MKLN1: variants seen among roughly 807,000 people sequenced by gnomAD.
MKLN1 encodes muskelin 1.
Under a neutral mutation model 99.0 loss-of-function variants are expected in MKLN1, and 18 were observed. The ratio of observed to expected loss-of-function variants is 0.18; its 90% CI spans 0.13 to 0.27. The LOEUF (loss-of-function observed/expected upper bound fraction) is 0.27. MKLN1 is among the 10% of genes least tolerant of loss of function. MKLN1 has a pLI of 1.00. For missense variants in MKLN1, 621 were observed against 875.9 expected (o/e 0.71, Z 3.67); for synonymous variants, 288 against 293.2 (o/e 0.98, Z 0.18).
Position 131,464,311 on chromosome 7 carries a change from A to G in MKLN1, c.1691A>G (p.Asn564Ser). 1 of 1,611,664 alleles carries G rather than the reference A, an allele frequency of 6.2e-7. No individual in the cohort carries two copies. The highest frequency in any genetic ancestry group is 8.5e-7 in the Non-Finnish European group (1 of 1,177,984). Residue 564 changes from asparagine to serine, a missense_variant, in exon 14 of 18, where the codon AAT becomes AGT. Physicochemically the swap from Asn to Ser is conservative, Grantham distance 46. Around this residue, in one of 8 missense-constraint regions of MKLN1, gnomAD observed 30 missense variants for 29.3 expected, o/e 1.02. Coordinates refer to ENST00000352689, the MANE Select transcript of MKLN1 (RefSeq NM_013255.5). ...TCTTGCAGGTCTTGTGTCTATAAGA[A>G]TGATCAAGCTGCAAAGGATAATCCA... ...VRNSWSCVYK[N>S]DQAAKDNPTK...
chr7:131,223,473 G>A (rs929050806), intron 3 of MKLN1, among the ~76,000 whole-genome samples: 1 of 152,160 alleles, frequency 6.6e-6, no homozygotes, highest in African/African-American at 2.4e-5. Context: ...CAGGAAGTTA[G>A]GATGAGCTTG....
At chr7:131,346,038 A>G (rs1289321066) in intron 1 of MKLN1, among the ~76,000 whole-genome samples, 1 of 152,226 alleles carries the variant, frequency 6.6e-6, no homozygotes, top group East Asian at 1.9e-4. Flanking sequence ...GTGAAAAATG[A>G]AAGACCTTCC....
chr7:131,282,600 G>A (rs1315848578), intron 3 of MKLN1, among the ~76,000 whole-genome samples: 1 of 152,042 alleles, frequency 6.6e-6, no homozygotes, highest in Non-Finnish European at 1.5e-5. Flanking sequence ...GATCTGAGCT[G>A]GGTTCGAAGG....
At chr7:131,148,230 C>T (rs12533615) in intron 2 of MKLN1, among the ~76,000 whole-genome samples, 68,863 of 151,836 alleles carry the variant, frequency 0.45, 17,067 homozygotes, top group Non-Finnish European at 0.57. Context: ...GCCTGTTCTC[C>T]AGGCCAGCAT....
At chr7:131,257,257 G>A (rs1387051218) in intron 3 of MKLN1, among the ~76,000 whole-genome samples, 1 of 152,108 alleles carries the variant, frequency 6.6e-6, no homozygotes, top group Non-Finnish European at 1.5e-5. Context: ...AAGATTTGAA[G>A]TTATATAAAG....
chr7:131,467,410 G>T (rs1008795789), intron 15 of MKLN1, among the ~76,000 whole-genome samples: 4 of 152,190 alleles, frequency 2.6e-5, no homozygotes, highest in Non-Finnish European at 4.4e-5. Context: ...GTTATTGTTT[G>T]TACAGGTGAG....
chr7:131,156,533 G>A (rs1795968310), intron 2 of MKLN1, among the ~76,000 whole-genome samples: 1 of 151,656 alleles, frequency 6.6e-6, no homozygotes, highest in Admixed American at 6.6e-5. Flanking sequence ...CTTTTCCTGG[G>A]CTAGCGATGT....
intron 2 of MKLN1, among the ~76,000 whole-genome samples, chr7:131,187,705 G>A (rs952812306): frequency 6.6e-6 from 1 of 152,116 alleles, no homozygotes; most frequent in Non-Finnish European, 1.5e-5. Flanking sequence ...GAGATGGAAG[G>A]ATCACTTGAG....
intron 3 of MKLN1, among the ~76,000 whole-genome samples, chr7:131,213,472 T>C (rs61324480): frequency 0.024 from 3,675 of 152,334 alleles, 138 homozygotes; most frequent in African/African-American, 0.083. Flanking sequence ...GTGAGGTTTT[T>C]CTAGGCCAGA....
chr7:131,287,661 G>A (rs1798152927), intron 3 of MKLN1, among the ~76,000 whole-genome samples: 2 of 152,090 alleles, frequency 1.3e-5, no homozygotes, highest in African/African-American at 4.8e-5. Flanking sequence ...TTGTTGGCGG[G>A]GGAGGGGGAG....
chr7:131,356,639 C>T (rs929795115), intron 1 of MKLN1, among the ~76,000 whole-genome samples: 2 of 152,094 alleles, frequency 1.3e-5, no homozygotes, highest in East Asian at 3.9e-4. Context: ...GGCAGGATTT[C>T]GCCTCTGTCG....
chr7:131,381,077 C>T (rs1267437994), intron 2 of MKLN1, among the ~76,000 whole-genome samples: 2 of 152,134 alleles, frequency 1.3e-5, no homozygotes, highest in Non-Finnish European at 2.9e-5. Flanking sequence ...GATTCATTAA[C>T]ATTGAATTCA....
At chr7:131,210,007 A>G (rs1295079270) in intron 3 of MKLN1, among the ~76,000 whole-genome samples, 1 of 152,240 alleles carries the variant, frequency 6.6e-6, no homozygotes, top group Admixed American at 6.5e-5. Flanking sequence ...ACCGGAAATC[A>G]TCTATTGCCA....
chr7:131,209,142 A>G (rs979980871), intron 3 of MKLN1, among the ~76,000 whole-genome samples: 1 of 152,232 alleles, frequency 6.6e-6, no homozygotes, highest in Non-Finnish European at 1.5e-5. Context: ...GAGAGGGCCT[A>G]GGTGGCTGGA....
intron 4 of MKLN1, among the ~76,000 whole-genome samples, chr7:131,395,476 T>C (rs965338948): frequency 1.3e-5 from 2 of 149,590 alleles, no homozygotes; most frequent in South Asian, 2.1e-4. Context: ...TTTTATTTTA[T>C]TTTATTTTAT....
At chr7:131,188,580 A>G (rs1190225100) in intron 2 of MKLN1, among the ~76,000 whole-genome samples, 1 of 152,184 alleles carries the variant, frequency 6.6e-6, no homozygotes, top group Non-Finnish European at 1.5e-5. Context: ...CGAAGCACAC[A>G]CTTGAGGCTT....
intron 3 of MKLN1, among the ~76,000 whole-genome samples, chr7:131,234,136 C>G (rs895919474): frequency 6.6e-6 from 1 of 151,980 alleles, no homozygotes; most frequent in African/African-American, 2.4e-5. Context: ...CCTGCCACCA[C>G]GCCCGGCTAA....
chr7:131,193,764 C>T (rs137926261), intron 2 of MKLN1, among the ~76,000 whole-genome samples: 1,981 of 152,012 alleles, frequency 0.013, 54 homozygotes, highest in African/African-American at 0.045. Context: ...ACCCCCACCA[C>T]CCACCCACAA....
intron 3 of MKLN1, among the ~76,000 whole-genome samples, chr7:131,276,448 G>T (rs185439765): frequency 6.6e-6 from 1 of 152,162 alleles, no homozygotes; most frequent in Non-Finnish European, 1.5e-5. Context: ...GAATTTCCAG[G>T]CATGGGAGAA....
Sources: gnomAD v4.1 joint callset for allele counts (sites outside exome capture counted in the v4.1 genomes callset) on GRCh38, gnomAD v4.1.1 for gene constraint, gnomAD v4.1.1 regional missense constraint, MANE v1.5 for transcripts, NCBI Gene and HGNC (gene_info 2026-07-23, HGNC 2026-07-21) for gene names.